GNA14: variants seen among roughly 807,000 people sequenced by gnomAD.
GNA14 encodes guanine nucleotide-binding protein subunit alpha-14.
Under a neutral mutation model 42.0 loss-of-function variants are expected in GNA14, and 50 were observed. The ratio of observed to expected loss-of-function variants is 1.19; its 90% CI spans 0.95 to 1.51. The LOEUF (loss-of-function observed/expected upper bound fraction) is 1.51, where lower values mean the gene tolerates loss of function less well. Ranked by LOEUF, GNA14 falls within the 40% of genes most tolerant of loss-of-function variation. GNA14 has a pLI of 0.00. For missense variants in GNA14, 473 were observed against 446.2 expected, an observed-to-expected ratio of 1.06 and a Z score of -0.54; for synonymous variants, 173 against 163.1, an observed-to-expected ratio of 1.06 and a Z score of -0.46.
intron 1 of GNA14, among the ~76,000 whole-genome samples, chr9:77,557,617 T>C (rs899135862): frequency 2.0e-5 from 3 of 152,152 alleles, no homozygotes; most frequent in Non-Finnish European, 4.4e-5. Flanking sequence ...AAACAAGAGA[T>C]GGTCTGAATA....
At chr9:77,458,686 A>G (rs1564020359) in intron 2 of GNA14, among the ~76,000 whole-genome samples, 1 of 152,224 alleles carries the variant, frequency 6.6e-6, no homozygotes, top group African/African-American at 2.4e-5. Flanking sequence ...TAAAGATACT[A>G]AAGAAATCTG....
chr9:77,477,293 A>C (rs1197651010), intron 2 of GNA14, among the ~76,000 whole-genome samples: 1 of 152,132 alleles, frequency 6.6e-6, no homozygotes, highest in African/African-American at 2.4e-5. Context: ...GTTGCAGTGA[A>C]CTGAGATCCT....
chr9:77,481,936 T>C lies in GNA14; in HGVS notation c.309+47133A>G, dbSNP rs1026015962. 7.4e-4 allele frequency among the ~76,000 whole-genome samples: 113 copies of C among 152,298 alleles called. 1 individual carries two copies. Among genetic ancestry groups the C allele is most frequent in the South Asian group, 6.2e-4 (3 of 4,826 alleles). ...CCTCCATCCTTTTTTTTTGAGCCTA[T>C]GTATGTCCCTGCATGTGAGATGGGT... On this transcript the variant is annotated intron_variant, in intron 2 of 6. Coordinates refer to ENST00000341700, the MANE Select transcript of GNA14 (RefSeq NM_004297.4).
At chr9:77,577,710 A>G (rs1823150270) in intron 1 of GNA14, among the ~76,000 whole-genome samples, 1 of 152,186 alleles carries the variant, frequency 6.6e-6, no homozygotes. Context: ...ACCACTTTCA[A>G]TGAGGGCTCT....
At position 77,456,893 on chromosome 9, in the gene GNA14, T is replaced by C. The variant is rs79217421; in HGVS notation, c.310-22371A>G. Among the ~76,000 whole-genome samples the C allele has an allele frequency of 6.1e-3, 929 of 152,298 alleles. 8 individuals are homozygous for C. The highest frequency in any genetic ancestry group is 0.02 in the African/African-American group (838 of 41,556). ...CATATCAATATCAATGTGATGTTTA[T>C]GAAAAAAAATAAACACAGCTGACGA... On this transcript the variant is annotated intron_variant, in intron 2 of 6. Transcript: ENST00000341700.
At chr9:77,601,342 G>C (rs1823561104) in intron 1 of GNA14, among the ~76,000 whole-genome samples, 1 of 152,180 alleles carries the variant, frequency 6.6e-6, no homozygotes, top group Non-Finnish European at 1.5e-5. Context: ...GGCTAGGAAA[G>C]AGAAGTGAAA....
At position 77,530,658 on chromosome 9, in the gene GNA14, A is replaced by G. The variant is rs1436877622; in HGVS notation, c.125-1405T>C. On this transcript the variant is annotated intron_variant, in intron 1 of 6. Coordinates refer to ENST00000341700, the MANE Select transcript of GNA14 (RefSeq NM_004297.4). ...TTGAACTACAATGACCAACTCAATTATTAGAGAAAAATGTCTTGGTCTGAT... is the reference window on the plus strand; with the variant it reads ...TTGAACTACAATGACCAACTCAATTGTTAGAGAAAAATGTCTTGGTCTGAT... 2.0e-5 allele frequency among the ~76,000 whole-genome samples: 3 copies of G among 152,372 alleles called. No homozygotes were observed. The East Asian group carries it at 5.8e-4, about 29-fold the overall frequency.
At chr9:77,616,128 G>T (rs1018492630) in intron 1 of GNA14, among the ~76,000 whole-genome samples, 8 of 152,140 alleles carry the variant, frequency 5.3e-5, no homozygotes, top group Non-Finnish European at 7.4e-5. Flanking sequence ...CCCAGACACT[G>T]GCTACCATAG....
chr9:77,595,224 T>C (rs1823445437), intron 1 of GNA14, among the ~76,000 whole-genome samples: 1 of 152,026 alleles, frequency 6.6e-6, no homozygotes, highest in Admixed American at 6.5e-5. Context: ...TGGTGAATAT[T>C]TGTTAAGTTA....
chr9:77,636,657 AG>A lies in GNA14; in HGVS notation c.124+11012del, dbSNP rs748576178. Among the ~76,000 whole-genome samples the A allele has an allele frequency of 9.2e-5, 14 of 151,878 alleles. No individual in the cohort carries two copies. The East Asian group carries it at 2.5e-3, about 27-fold the overall frequency. ...AATGTGGTAAGAGAGGAAGCAAGAGAGGTGGGGAAGTGCCAGGCTCTTCTGA... is the reference window on the plus strand; with the variant it reads ...AATGTGGTAAGAGAGGAAGCAAGAGAGTGGGGAAGTGCCAGGCTCTTCTGA... On this transcript the variant is annotated intron_variant, in intron 1 of 6. Coordinates refer to ENST00000341700, the MANE Select transcript of GNA14 (RefSeq NM_004297.4).
intron 1 of GNA14, among the ~76,000 whole-genome samples, chr9:77,646,273 C>G (rs1169675457): frequency 6.6e-6 from 1 of 152,210 alleles, no homozygotes; most frequent in Admixed American, 6.5e-5. Context: ...CTCCAGGGAT[C>G]AGGTCTGCCT....
At chr9:77,581,784 G>A (rs572348439) in intron 1 of GNA14, among the ~76,000 whole-genome samples, 1 of 152,272 alleles carries the variant, frequency 6.6e-6, no homozygotes, top group African/African-American at 2.4e-5. Context: ...ACATTCCTGT[G>A]GATGCTTCTC....
In GNA14 at chr9:77,447,131, G is replaced by C. The variant is rs1258390676; in HGVS notation, c.310-12609C>G. ...GGCACACACCACCACGCCGAGTAGA[G>C]ATGGGGTTTCACCATGTTAGCCAGG... On this transcript the variant is annotated intron_variant, in intron 2 of 6. Coordinates refer to ENST00000341700, the MANE Select transcript of GNA14 (RefSeq NM_004297.4). 5.3e-5 allele frequency among the ~76,000 whole-genome samples: 8 copies of C among 152,156 alleles called. No homozygotes were observed. In the East Asian group the frequency reaches 1.5e-3, roughly 29 times the overall value.
intron 2 of GNA14, among the ~76,000 whole-genome samples, chr9:77,449,574 C>G (rs962677921): frequency 5.3e-5 from 8 of 152,294 alleles, no homozygotes; most frequent in African/African-American, 1.7e-4. Flanking sequence ...TCCAAGACAA[C>G]TGTGGAAGGA....
chr9:77,469,837 C>G (rs552073869), intron 2 of GNA14, among the ~76,000 whole-genome samples: 1 of 152,278 alleles, frequency 6.6e-6, no homozygotes, highest in African/African-American at 2.4e-5. Context: ...TCATTCAAAC[C>G]TGTATTGAAT....
At chr9:77,554,984 G>A (rs569360195) in intron 1 of GNA14, among the ~76,000 whole-genome samples, 10 of 152,278 alleles carry the variant, frequency 6.6e-5, no homozygotes, top group South Asian at 2.1e-4. Flanking sequence ...ATGCATTGCC[G>A]TTGGAACAAT....
intron 2 of GNA14, among the ~76,000 whole-genome samples, chr9:77,515,960 C>CATAAAAAAAAAA (rs1837248673): frequency 1.9e-5 from 1 of 52,736 alleles, no homozygotes; most frequent in Non-Finnish European, 3.5e-5. Flanking sequence ...CCCTGTCTCA[C>CATAAAAAAAAAA]AAAAAAAAAA....
At chr9:77,626,373 T>C (rs993900343) in intron 1 of GNA14, among the ~76,000 whole-genome samples, 1 of 152,176 alleles carries the variant, frequency 6.6e-6, no homozygotes, top group Non-Finnish European at 1.5e-5. Context: ...AACTCAGCCC[T>C]GGACAAAGCG....
intron 2 of GNA14, among the ~76,000 whole-genome samples, chr9:77,461,781 C>T (rs2131712624): frequency 6.6e-6 from 1 of 152,284 alleles, no homozygotes; most frequent in East Asian, 1.9e-4. Context: ...AGCAAACCGT[C>T]TTTCCCTAAA....
Sources: allele counts gnomAD v4.1 joint callset (sites outside exome capture counted in the v4.1 genomes callset), GRCh38; gene constraint gnomAD v4.1.1; transcripts MANE v1.5; gene names NCBI Gene and HGNC (gene_info 2026-07-23, HGNC 2026-07-21).